The following PRPF6 variants were observed in gnomAD, a reference collection of about 807,000 sequenced individuals.
PRPF6 encodes the protein pre-mRNA-processing factor 6.
In PRPF6, 42 loss-of-function variants were observed where a neutral mutation model predicts 118.3. The observed-to-expected ratio is 0.35, with a 90% CI of 0.28 to 0.46. The LOEUF (loss-of-function observed/expected upper bound fraction) is 0.46. PRPF6 is among the 20% of genes least tolerant of loss of function. The pLI, the probability that PRPF6 is intolerant of heterozygous loss-of-function variation, is 1.00. For missense variants in PRPF6, 662 were observed against 1,255.7 expected, an observed-to-expected ratio of 0.53 and a Z score of 7.15; for synonymous variants, 481 against 485.1, an observed-to-expected ratio of 0.99 and a Z score of 0.11.
At chr20:64,030,080 T>C (rs547435051) in intron 19 of PRPF6, among the ~76,000 whole-genome samples, 9 of 152,338 alleles carry the variant, frequency 5.9e-5, no homozygotes, top group African/African-American at 2.2e-4. Flanking sequence ...GCATGCAGAC[T>C]CTAGGCACAT....
intron 3 of PRPF6, among the ~76,000 whole-genome samples, chr20:63,989,237 A>C (rs1287075509): frequency 6.6e-6 from 1 of 152,204 alleles, no homozygotes; most frequent in Non-Finnish European, 1.5e-5. Flanking sequence ...ACAAAAATCA[A>C]ATTAAAAGAC....
Position 64,001,256 on chromosome 20 carries a change from G to T in PRPF6, c.1186+17G>T. On this transcript the variant is annotated intron_variant, in intron 9 of 20. Coordinates refer to ENST00000266079, the MANE Select transcript of PRPF6 (RefSeq NM_012469.4). ...TTCGGAAAGGTGAGCCTCCCTCGGA[G>T]GTGCTGCTTTCTCCCTCCTTGGGGC... The T allele has an allele frequency of 6.2e-7, 1 of 1,614,130 alleles. No individual in the cohort carries two copies. The highest frequency in any genetic ancestry group is 1.1e-5 in the South Asian group (1 of 91,078).
At chr20:63,982,262 C>T (rs753783267) in intron 1 of PRPF6, among the ~76,000 whole-genome samples, 3 of 152,036 alleles carry the variant, frequency 2.0e-5, no homozygotes, top group African/African-American at 7.3e-5. Context: ...AATCTCTGCC[C>T]CCCGGGTTCA....
In PRPF6 at chr20:64,029,462, T is replaced by C; in HGVS notation, c.2517T>C (p.His839=). Residue 839 remains histidine (H), a synonymous_variant, in exon 19 of 21, where the codon CAT becomes CAC. Coordinates refer to ENST00000266079, the MANE Select transcript of PRPF6 (RefSeq NM_012469.4). The surrounding 1 kb of genome is among the most constrained non-coding windows in gnomAD (Gnocchi z 4.8). ...KSVDALKKCE[H]DPHVLLAVAK... The stretch of plus-strand genomic sequence containing the variant: ...TGGATGCCCTGAAGAAGTGTGAGCA[T>C]GACCCCCATGTGCTCCTGGCCGTGG... 2 of 1,614,168 alleles carry C rather than the reference T, an allele frequency of 1.2e-6. No homozygotes were observed. The highest frequency in any genetic ancestry group is 1.7e-6 in the Non-Finnish European group (2 of 1,180,032).
chr20:64,016,672 C>A (rs2059239766), intron 11 of PRPF6, 51 bp from the exon 12 acceptor site: 3 of 1,610,214 alleles, frequency 1.9e-6, no homozygotes, highest in African/African-American at 1.3e-5. Flanking sequence ...CGTTGGGAAT[C>A]TGCAGCTCTG....
intron 3 of PRPF6, among the ~76,000 whole-genome samples, chr20:63,991,231 C>G (rs2059117045): frequency 6.6e-6 from 1 of 151,948 alleles, no homozygotes; most frequent in Non-Finnish European, 1.5e-5. Context: ...CGAGACCAGC[C>G]TGGGCAACAT....
Position 63,985,012 on chromosome 20 carries a change from A to T in PRPF6, c.346A>T (p.Arg116Ter). 1 of 1,612,450 alleles carries T rather than the reference A, an allele frequency of 6.2e-7. No homozygotes were observed. ...CCTGGATAAAAGGATGGATGAAAGA[A>T]GAAAAGAAAGACGGTAAAAGAAATT... ...AALDKRMDER[R>*]KERREQREKE... The change falls in exon 3 of 21, where the codon AGA (arginine) becomes TGA (stop). Residue 116 changes from arginine (R) to a stop codon, truncating the protein, a stop_gained. Coordinates refer to ENST00000266079, the MANE Select transcript of PRPF6 (RefSeq NM_012469.4). LOFTEE classifies it high-confidence loss of function.
chr20:64,028,716 C>T lies in PRPF6; in HGVS notation c.2431+147C>T. Reference sequence around the variant, plus strand: ...AGTGGGGGCTCAGGCTTCAGACGGACTTTATTAAAATGTGTAGTTTGTGTG... The same window carrying T: ...AGTGGGGGCTCAGGCTTCAGACGGATTTTATTAAAATGTGTAGTTTGTGTG... On this transcript the variant is annotated intron_variant, in intron 18 of 20. Coordinates refer to ENST00000266079, the MANE Select transcript of PRPF6 (RefSeq NM_012469.4). The surrounding 1 kb of genome is among the most constrained non-coding windows in gnomAD (Gnocchi z 6.5). 1 of 823,514 alleles carries T rather than the reference C, an allele frequency of 1.2e-6. No homozygotes were observed. Among genetic ancestry groups the T allele is most frequent in the Middle Eastern group, 3.6e-4 (1 of 2,816 alleles). The allele number at this position is 823,514 out of a possible 1,614,324, so 51.0% of individuals were successfully genotyped here. A position where few individuals can be genotyped will look rare whatever the true frequency, so the allele number is the denominator to read the frequency against.
At chr20:64,014,465 G>C (rs993236932) in intron 11 of PRPF6, among the ~76,000 whole-genome samples, 29 of 94,830 alleles carry the variant, frequency 3.1e-4, no homozygotes, top group African/African-American at 1.4e-3. Context: ...GACCAGCCTG[G>C]CCAACATGGT....
In PRPF6 at chr20:64,028,460, G is replaced by A. The variant is rs1417057425; in HGVS notation, c.2340-18G>A. 1.7e-5 allele frequency: 28 copies of A among 1,613,160 alleles called. No individual in the cohort carries two copies. The highest frequency in any genetic ancestry group is 5.3e-5 in the African/African-American group (4 of 74,910). On this transcript the variant is annotated intron_variant, in intron 17 of 20. Transcript: ENST00000266079. The surrounding 1 kb of genome is among the most constrained non-coding windows in gnomAD (Gnocchi z 6.5). ...GTTGGTAGACGGCTGTGGGACCTCC[G>A]GGGGCCTGTCTCCTCAGGTTGGAGT...
At position 64,027,356 on chromosome 20, in the gene PRPF6, C is replaced by T. The variant is rs2059295494; in HGVS notation, c.2205+198C>T. On this transcript the variant is annotated intron_variant, in intron 16 of 20. Coordinates refer to ENST00000266079, the MANE Select transcript of PRPF6 (RefSeq NM_012469.4). This position sits in a 1 kb window ranked among gnomAD's most constrained non-coding sequence, Gnocchi z 6.5. Reference sequence around the variant, plus strand: ...GCTTTTCCTTATATGAAGCTGCACACACTGCTCAGAAGTGCAGAGTGTGGC... The same window carrying T: ...GCTTTTCCTTATATGAAGCTGCACATACTGCTCAGAAGTGCAGAGTGTGGC... Among the ~76,000 whole-genome samples, 2 of 152,188 alleles carry T rather than the reference C, an allele frequency of 1.3e-5. No individual in the cohort carries two copies. The highest frequency in any genetic ancestry group is 2.4e-5 in the African/African-American group (1 of 41,432).
At position 64,012,957 on chromosome 20, in the gene PRPF6, C is replaced by CTT. The variant is rs763243601; in HGVS notation, c.1524+1472_1524+1473dup. ...TTACTCTTCCCCTCTCCCCCACACC[C>CTT]TTTTTTTTTTTTTTTTTTTGAGAGG... On this transcript the variant is annotated intron_variant, in intron 11 of 20. Coordinates refer to ENST00000266079, the MANE Select transcript of PRPF6 (RefSeq NM_012469.4). 1.9e-4 allele frequency among the ~76,000 whole-genome samples: 25 copies of CTT among 129,938 alleles called. 1 individual carries two copies. The highest frequency in any genetic ancestry group is 7.0e-4 in the Admixed American group (9 of 12,880). 85.2% of individuals were successfully genotyped at this position (129,938 alleles called of 152,430 possible).
At position 64,026,883 on chromosome 20, in the gene PRPF6, A is replaced by G. The variant is rs2059293707; in HGVS notation, c.2029-99A>G. ...CAGGCTATGAAAAGCTTACAAAAGT[A>G]CACACAGTACTGCAGGTAACAGTGT... On this transcript the variant is annotated intron_variant, in intron 15 of 20. Coordinates refer to ENST00000266079, the MANE Select transcript of PRPF6 (RefSeq NM_012469.4). This position sits in a 1 kb window ranked among gnomAD's most constrained non-coding sequence, Gnocchi z 4.4. 5 of 1,236,210 alleles carry G rather than the reference A, an allele frequency of 4.0e-6. No individual in the cohort carries two copies. Among genetic ancestry groups the G allele is most frequent in the Non-Finnish European group, 5.9e-6 (5 of 840,804 alleles). The allele number at this position is 1,236,210 out of a possible 1,614,324, so 76.6% of individuals were successfully genotyped here. A position where few individuals can be genotyped will look rare whatever the true frequency, so the allele number is the denominator to read the frequency against.
chr20:64,019,097 T>TG (rs964058895), intron 12 of PRPF6, among the ~76,000 whole-genome samples: 17 of 148,486 alleles, frequency 1.1e-4, no homozygotes, highest in African/African-American at 4.2e-4. Context: ...TGTTGGTTTT[T>TG]TTTTTTTTTT....
At position 63,995,311 on chromosome 20, in the gene PRPF6, C is replaced by G; in HGVS notation, c.616-16C>G. The stretch of plus-strand genomic sequence containing the variant: ...AACCGTTGTTTTATTCTTGCCTTTC[C>G]TCTCTTCCCCTCCAGCAATTTGGAG... On this transcript the variant is annotated splice_polypyrimidine_tract_variant and intron_variant, in intron 5 of 20. Transcript: ENST00000266079. 1 of 1,603,956 alleles carries G rather than the reference C, an allele frequency of 6.2e-7. No individual in the cohort carries two copies. Among genetic ancestry groups the G allele is most frequent in the Admixed American group, 1.7e-5 (1 of 57,604 alleles).
chr20:64,014,776 C>T (rs555736825), intron 11 of PRPF6, among the ~76,000 whole-genome samples: 1 of 152,338 alleles, frequency 6.6e-6, no homozygotes, highest in African/African-American at 2.4e-5. Context: ...CCTTAGCCTA[C>T]AGTTGGGCAG....
chr20:63,997,975 C>T lies in PRPF6; in HGVS notation c.772-1070C>T, dbSNP rs911818682. Among the ~76,000 whole-genome samples the T allele has an allele frequency of 2.0e-5, 3 of 152,208 alleles. No homozygotes were observed. In the South Asian group the frequency reaches 6.2e-4, roughly 31 times the overall value. ...GACCGCATTCGCTGACCTGTTTATT[C>T]GCTGACGGACACTTGGACCACTTTC... is the stretch of plus-strand genomic sequence containing the variant. On this transcript the variant is annotated intron_variant, in intron 6 of 20. Transcript: ENST00000266079.
intron 11 of PRPF6, 60 bp from the exon 12 acceptor site, chr20:64,016,663 G>T: frequency 6.2e-7 from 1 of 1,604,794 alleles, no homozygotes; most frequent in South Asian, 1.1e-5. Flanking sequence ...CGTACTCCCC[G>T]TTGGGAATCT....
intron 9 of PRPF6, 79 bp downstream of exon 9, chr20:64,001,318 C>T (rs565880463): frequency 1.3e-6 from 2 of 1,534,224 alleles, no homozygotes; most frequent in African/African-American, 1.4e-5. Flanking sequence ...CTGGCTCAGG[C>T]TTTTGGTGAG....
Sources: gnomAD v4.1 joint callset for allele counts (sites outside exome capture counted in the v4.1 genomes callset) on GRCh38, gnomAD v4.1.1 for gene constraint, Gnocchi (gnomAD v3.1) non-coding constraint, MANE v1.5 for transcripts, NCBI Gene and HGNC (gene_info 2026-07-23, HGNC 2026-07-21) for gene names.